NF2: variants seen among roughly 807,000 people sequenced by gnomAD.
The protein encoded by NF2 is NF2, moesin-ezrin-radixin like (MERLIN) tumor suppressor.
Under a neutral mutation model 83.7 loss-of-function variants are expected in NF2, and 8 were observed. The ratio of observed to expected loss-of-function variants is 0.10; its 90% CI spans 0.06 to 0.17. The LOEUF (loss-of-function observed/expected upper bound fraction) is 0.17. Among genes scored for constraint, NF2 ranks in the 10% least tolerant of loss-of-function variants. NF2 has a pLI of 1.00. For missense variants in NF2, 533 were observed against 744.4 expected, an observed-to-expected ratio of 0.72 and a Z score of 3.31; for synonymous variants, 266 against 269.6, an observed-to-expected ratio of 0.99 and a Z score of 0.13.
intron 4 of NF2, among the ~76,000 whole-genome samples, chr22:29,651,349 G>A (rs570579319): frequency 6.6e-6 from 1 of 152,302 alleles, no homozygotes; most frequent in South Asian, 2.1e-4. Flanking sequence ...TATGTCACGA[G>A]TAGGTCCAGG....
Position 29,636,881 on chromosome 22 carries a change from G to A in NF2, c.240+5G>A, listed in dbSNP as rs2146855036. ...TGGCTCAAAATGGACAAGAAGGTTG[G>A]GCTAGAACTCGATGAAACTGGTGGG... On this transcript the variant is annotated splice_donor_5th_base_variant and intron_variant, in intron 2 of 15. Transcript: ENST00000338641. This position sits in a 1 kb window ranked among gnomAD's most constrained non-coding sequence, Gnocchi z 4.4. The A allele has an allele frequency of 6.2e-7, 1 of 1,614,042 alleles. No individual in the cohort carries two copies. Among genetic ancestry groups the A allele is most frequent in the South Asian group, 1.1e-5 (1 of 91,076 alleles).
rs2146852020 is a variant in NF2, at chr22:29,636,773, T to A, written c.137T>A (p.Leu46His). 6.2e-7 allele frequency: 1 copy of A among 1,614,196 alleles called. No individual in the cohort carries two copies. Among genetic ancestry groups the A allele is most frequent in the South Asian group, 1.1e-5 (1 of 91,080 alleles). The change falls in exon 2 of 16, where the codon CTC becomes CAC. Residue 46 changes from leucine to histidine, a missense_variant. Physicochemically the swap from Leu to His is moderately conservative, Grantham distance 99. Coordinates refer to ENST00000338641, the MANE Select transcript of NF2 (RefSeq NM_000268.4). The surrounding 1 kb of genome is among the most constrained non-coding windows in gnomAD (Gnocchi z 4.4). ...CAGATGAAGTGGAAAGGGAAGGACC[T>A]CTTTGATTTGGTGTGCCGGACTCTG... ...NCEMKWKGKD[L>H]FDLVCRTLGL...
intron 13 of NF2, among the ~76,000 whole-genome samples, chr22:29,676,369 T>C: frequency 6.6e-6 from 1 of 151,748 alleles, no homozygotes; most frequent in East Asian, 1.9e-4. Flanking sequence ...AGGGACAGGG[T>C]TTTGCCATGT....
intron 1 of NF2, among the ~76,000 whole-genome samples, chr22:29,619,024 A>G (rs915827199): frequency 2.6e-5 from 4 of 151,922 alleles, no homozygotes; most frequent in Admixed American, 1.3e-4. Flanking sequence ...AGAAACTTCT[A>G]TTCCTGTTTC....
At chr22:29,684,614 G>A (rs1165520404) in intron 15 of NF2, among the ~76,000 whole-genome samples, 1 of 152,156 alleles carries the variant, frequency 6.6e-6, no homozygotes, top group Non-Finnish European at 1.5e-5. Context: ...CTGCTCCTGG[G>A]ACATACATGG....
chr22:29,646,138 C>T (rs1473865713), intron 4 of NF2, among the ~76,000 whole-genome samples: 3 of 152,172 alleles, frequency 2.0e-5, no homozygotes. Flanking sequence ...TGTAGTCTTT[C>T]CAGAAGCCAA....
intron 15 of NF2, among the ~76,000 whole-genome samples, chr22:29,685,677 C>G (rs375987024): frequency 1.2e-4 from 18 of 152,174 alleles, no homozygotes; most frequent in East Asian, 9.6e-4. Flanking sequence ...TCCCAAAATG[C>G]TGGGATTACA....
intron 1 of NF2, among the ~76,000 whole-genome samples, chr22:29,614,433 T>C (rs181658759): frequency 1.3e-5 from 2 of 151,804 alleles, no homozygotes; most frequent in African/African-American, 4.8e-5. Flanking sequence ...AAAAACAAAA[T>C]TAGCTGGGCG....
intron 6 of NF2, 31 bp from the exon 7 acceptor site, chr22:29,658,158 C>G (rs2146988658): frequency 6.2e-7 from 1 of 1,607,810 alleles, no homozygotes; most frequent in African/African-American, 1.3e-5. Flanking sequence ...TCACTTAGCT[C>G]CAATGACAGT....
intron 1 of NF2, among the ~76,000 whole-genome samples, chr22:29,611,933 C>T (rs1295315330): frequency 1.3e-5 from 2 of 152,020 alleles, no homozygotes; most frequent in Admixed American, 6.5e-5. Context: ...TCTTTTTTTC[C>T]ATCCTCTGAC....
chr22:29,688,962 C>T (rs188267825), intron 15 of NF2, among the ~76,000 whole-genome samples: 10 of 152,174 alleles, frequency 6.6e-5, no homozygotes, highest in African/African-American at 1.9e-4. Flanking sequence ...AGGCGGATCA[C>T]GAAGTCAAGA....
chr22:29,619,809 CAG>C (rs2146754045), intron 1 of NF2, among the ~76,000 whole-genome samples: 1 of 152,282 alleles, frequency 6.6e-6, no homozygotes, highest in African/African-American at 2.4e-5. Context: ...TGCGAAGAAA[CAG>C]ATGCTGGCTA....
chr22:29,685,814 C>G (rs1268077366), intron 15 of NF2, among the ~76,000 whole-genome samples: 1 of 152,170 alleles, frequency 6.6e-6, no homozygotes, highest in African/African-American at 2.4e-5. Flanking sequence ...AACATTGAAG[C>G]TGATTCAAGG....
chr22:29,659,734 T>A (rs541294199), intron 7 of NF2, among the ~76,000 whole-genome samples: 27 of 152,322 alleles, frequency 1.8e-4, no homozygotes, highest in East Asian at 9.6e-4. Context: ...AATCTTTTTT[T>A]AAAAATTTAA....
Position 29,604,060 on chromosome 22 carries a change from C to T in NF2, c.62C>T (p.Thr21Met), listed in dbSNP as rs1316115546. The T allele has an allele frequency of 6.2e-7, 1 of 1,607,842 alleles. No individual in the cohort carries two copies. The highest frequency in any genetic ancestry group is 8.5e-7 in the Non-Finnish European group (1 of 1,177,350). The change falls in exon 1 of 16, where the codon ACG (threonine) becomes ATG (methionine). Residue 21 changes from threonine to methionine, a missense_variant. This residue lies in a region of NF2 where 326 missense variants were observed against 475.1 expected (regional missense o/e 0.69). Transcript: ENST00000338641. ...FSSLKRKQPK[T>M]FTVRIVTMDA... ...TCTCTCAAGAGGAAGCAACCCAAGACGTTCACCGTGAGGATCGTCACCATG... is the reference window on the plus strand; with the variant it reads ...TCTCTCAAGAGGAAGCAACCCAAGATGTTCACCGTGAGGATCGTCACCATG...
At chr22:29,677,782 C>CT (rs2067010094) in intron 13 of NF2, among the ~76,000 whole-genome samples, 1 of 152,182 alleles carries the variant, frequency 6.6e-6, no homozygotes, top group East Asian at 1.9e-4. Context: ...CAGTGTTTAC[C>CT]TTTTTTAACA....
rs901264055 is a variant in NF2, at chr22:29,636,355, T to TA, written c.115-386dup. Among the ~76,000 whole-genome samples, 13 of 150,498 alleles carry TA rather than the reference T, an allele frequency of 8.6e-5. No homozygotes were observed. Among genetic ancestry groups the TA allele is most frequent in the East Asian group, 1.9e-4 (1 of 5,132 alleles). On this transcript the variant is annotated intron_variant, in intron 1 of 15. Transcript: ENST00000338641. The surrounding 1 kb of genome is among the most constrained non-coding windows in gnomAD (Gnocchi z 4.4). ...TTTATCAAAGGGCAAAGTAATGATTTAAAAAAAAAATCAACAACAAAATTT... is the reference window on the plus strand; with the variant it reads ...TTTATCAAAGGGCAAAGTAATGATTTAAAAAAAAAAATCAACAACAAAATTT...
At chr22:29,680,854 A>AT (rs2067111141) in intron 14 of NF2, among the ~76,000 whole-genome samples, 1 of 44,588 alleles carries the variant, frequency 2.2e-5, no homozygotes, top group Non-Finnish European at 6.0e-5. Flanking sequence ...AAGATCCTAT[A>AT]AAAAAAAAAA....
At chr22:29,629,388 AG>A (rs1488707717) in intron 1 of NF2, among the ~76,000 whole-genome samples, 4 of 152,152 alleles carry the variant, frequency 2.6e-5, no homozygotes, top group African/African-American at 9.7e-5. Context: ...TTGTAAATTG[AG>A]GTATTTGGCC....
Sources: allele counts gnomAD v4.1 joint callset (sites outside exome capture counted in the v4.1 genomes callset), GRCh38; gene constraint gnomAD v4.1.1; regional missense constraint gnomAD v4.1.1; non-coding constraint Gnocchi (gnomAD v3.1); transcripts MANE v1.5; gene names NCBI Gene and HGNC (gene_info 2026-07-23, HGNC 2026-07-21).